The following CEP295 variants were observed in gnomAD, a reference collection of about 807,000 sequenced individuals.
The protein encoded by CEP295 is centrosomal protein of 295 kDa.
Under a neutral mutation model 291.6 loss-of-function variants are expected in CEP295, and 190 were observed. The ratio of observed to expected loss-of-function variants is 0.65; its 90% CI spans 0.58 to 0.73. CEP295 has a LOEUF of 0.73. Among genes scored for constraint, CEP295 ranks in the 30% least tolerant of loss-of-function variants. The pLI is 0.00. For synonymous variants in CEP295, 993 were observed against 1,038.8 expected, an observed-to-expected ratio of 0.96 and a Z score of 0.85; for missense variants, 2,863 against 2,949.4, an observed-to-expected ratio of 0.97 and a Z score of 0.68.
At chr11:93,677,721 G>A (rs1452622659) in intron 6 of CEP295, among the ~76,000 whole-genome samples, 1 of 152,136 alleles carries the variant, frequency 6.6e-6, no homozygotes, top group Non-Finnish European at 1.5e-5. Context: ...CTGCAGAAAA[G>A]TGAAGCTGAA....
At chr11:93,718,195 G>A (rs1953415190) in intron 18 of CEP295, among the ~76,000 whole-genome samples, 1 of 152,190 alleles carries the variant, frequency 6.6e-6, no homozygotes, top group Non-Finnish European at 1.5e-5. Context: ...ATAGGCGTGA[G>A]CCACCACGCC....
chr11:93,718,751 A>G (rs1477154134), intron 18 of CEP295, among the ~76,000 whole-genome samples: 2 of 152,236 alleles, frequency 1.3e-5, no homozygotes, highest in Non-Finnish European at 2.9e-5. Flanking sequence ...AACTCACTAT[A>G]AAATTTCACC....
intron 18 of CEP295, among the ~76,000 whole-genome samples, chr11:93,711,657 C>T (rs943746117): frequency 1.3e-5 from 2 of 152,062 alleles, no homozygotes; most frequent in Non-Finnish European, 2.9e-5. Context: ...CATGTGCCAC[C>T]ATGCTTAGCT....
In CEP295 at chr11:93,698,265, C is replaced by T. The variant is rs1951952735; in HGVS notation, c.3353C>T (p.Ala1118Val). The change falls in exon 15 of 30, where the codon GCT (alanine) becomes GTT (valine). Residue 1118 changes from alanine to valine, a missense_variant. Coordinates refer to ENST00000325212, the MANE Select transcript of CEP295 (RefSeq NM_033395.2). Reference sequence around the variant, plus strand: ...GTTGCTTCACAAGCTTCTGCTAAAGCTGAGCCTAGGAGAATTCAGGAGCTT... The same window carrying T: ...GTTGCTTCACAAGCTTCTGCTAAAGTTGAGCCTAGGAGAATTCAGGAGCTT... ...HSVASQASAK[A>V]EPRRIQELYL... The T allele has an allele frequency of 6.4e-7, 1 of 1,551,684 alleles. No homozygotes were observed. Among genetic ancestry groups the T allele is most frequent in the African/African-American group, 1.4e-5 (1 of 73,032 alleles).
intron 18 of CEP295, among the ~76,000 whole-genome samples, chr11:93,712,348 G>A (rs1469127212): frequency 1.3e-5 from 2 of 152,128 alleles, no homozygotes; most frequent in Non-Finnish European, 2.9e-5. Flanking sequence ...CCGCCTCGTG[G>A]GTTCAAGTGA....
chr11:93,709,446 G>C (rs61921272), intron 18 of CEP295, among the ~76,000 whole-genome samples: 52 of 152,142 alleles, frequency 3.4e-4, no homozygotes, highest in Non-Finnish European at 6.8e-4. Context: ...TCAAAACTGA[G>C]TACACAGTAA....
intron 4 of CEP295, 83 bp from the exon 5 acceptor site, chr11:93,669,594 C>T (rs1481140419): frequency 1.2e-6 from 1 of 850,336 alleles, no homozygotes; most frequent in Non-Finnish European, 1.9e-6. Context: ...ATTTCTTGAG[C>T]CTATGACTTA....
chr11:93,708,888 A>G (rs1952701934), intron 18 of CEP295, among the ~76,000 whole-genome samples: 1 of 152,160 alleles, frequency 6.6e-6, no homozygotes, highest in Non-Finnish European at 1.5e-5. Flanking sequence ...CATTTCTCTA[A>G]TGATCACTGG....
Position 93,667,944 on chromosome 11 carries a change from T to C in CEP295, c.309+137T>C, listed in dbSNP as rs937386294. ...GGCAGCTTGAACTTTTTTATAAATT[T>C]AATGTAATTTGTGAATAATAGGCTC... is the stretch of plus-strand genomic sequence containing the variant. On this transcript the variant is annotated intron_variant, in intron 3 of 29. Coordinates refer to ENST00000325212, the MANE Select transcript of CEP295 (RefSeq NM_033395.2). 1.4e-5 allele frequency: 9 copies of C among 628,610 alleles called. No homozygotes were observed. The African/African-American group carries it at 1.5e-4, about 10-fold the overall frequency. The allele number at this position is 628,610 out of a possible 1,614,324, so 38.9% of individuals were successfully genotyped here.
At chr11:93,702,404 A>T in intron 15 of CEP295, 56 bp from the exon 16 acceptor site, 1 of 1,193,624 alleles carries the variant, frequency 8.4e-7, no homozygotes, top group South Asian at 1.7e-5. Context: ...CTAATGAATA[A>T]TGCTTCACAT....
intron 21 of CEP295, 28 bp from the exon 22 acceptor site, chr11:93,724,226 A>G (rs1230677237): frequency 6.5e-7 from 1 of 1,528,958 alleles, no homozygotes; most frequent in Non-Finnish European, 8.8e-7. Context: ...TCCCTCAAAA[A>G]TTCTAACAGT....
chr11:93,687,057 A>G (rs1410872647), intron 9 of CEP295, among the ~76,000 whole-genome samples: 1 of 152,212 alleles, frequency 6.6e-6, no homozygotes, highest in Non-Finnish European at 1.5e-5. Context: ...CCACATGGGA[A>G]AATGTTTGAA....
At chr11:93,723,361 T>A in intron 21 of CEP295, 72 bp downstream of exon 21, 1 of 1,127,570 alleles carries the variant, frequency 8.9e-7, no homozygotes. Flanking sequence ...ATTTTAAATT[T>A]TATGCAGTGA....
intron 8 of CEP295, 100 bp downstream of exon 8, chr11:93,683,842 TC>T: frequency 7.0e-7 from 1 of 1,430,668 alleles, no homozygotes; most frequent in Non-Finnish European, 9.4e-7. Flanking sequence ...AAATGAGTTC[TC>T]TGTTTGAAGG....
At chr11:93,665,367 T>C (rs1295108370) in intron 1 of CEP295, among the ~76,000 whole-genome samples, 1 of 152,188 alleles carries the variant, frequency 6.6e-6, no homozygotes, top group Admixed American at 6.5e-5. Context: ...GAGCATGTTA[T>C]AATCTAGGGA....
intron 17 of CEP295, 32 bp from the exon 18 acceptor site, chr11:93,706,713 A>C (rs1273486165): frequency 6.7e-7 from 1 of 1,489,340 alleles, no homozygotes; most frequent in South Asian, 1.3e-5. Context: ...ATAGTTCCAG[A>C]AATTGAAGTG....
intron 6 of CEP295, 75 bp downstream of exon 6, chr11:93,675,741 A>G: frequency 1.3e-6 from 1 of 766,748 alleles, no homozygotes; most frequent in South Asian, 1.9e-5. Flanking sequence ...TATCTTAGTT[A>G]TATGTATGGT....
Position 93,666,688 on chromosome 11 carries a change from C to CTAT in CEP295, c.-20_-19insTAT. On this transcript the variant is annotated 5_prime_UTR_variant, in exon 2 of 30. Transcript: ENST00000325212. Reference sequence around the variant, plus strand: ...TTTTCCTTTTTGAATTCAGAACTGTCATACATAAAGTACACAGAAATGAAG... The same window carrying CTAT: ...TTTTCCTTTTTGAATTCAGAACTGTCTATATACATAAAGTACACAGAAATGAAG... 8.0e-7 allele frequency: 1 copy of CTAT among 1,255,212 alleles called. No homozygotes were observed. Among genetic ancestry groups the CTAT allele is most frequent in the Middle Eastern group, 1.9e-4 (1 of 5,280 alleles). 77.8% of individuals were successfully genotyped at this position (1,255,212 alleles called of 1,614,324 possible).
At chr11:93,687,213 A>T (rs527476539) in intron 9 of CEP295, among the ~76,000 whole-genome samples, 1 of 152,326 alleles carries the variant, frequency 6.6e-6, no homozygotes, top group South Asian at 2.1e-4. Flanking sequence ...TTTCCTCTGT[A>T]GCTCACTAAG....
Sources: allele counts gnomAD v4.1 joint callset (sites outside exome capture counted in the v4.1 genomes callset), GRCh38; gene constraint gnomAD v4.1.1; transcripts MANE v1.5; gene names NCBI Gene and HGNC (gene_info 2026-07-23, HGNC 2026-07-21).